ARHGEF12: variants seen among roughly 807,000 people sequenced by gnomAD.
ARHGEF12 encodes Rho guanine nucleotide exchange factor 12.
Under a neutral mutation model 211.2 loss-of-function variants are expected in ARHGEF12, and 66 were observed. The ratio of observed to expected loss-of-function variants is 0.31; its 90% CI spans 0.26 to 0.38. ARHGEF12 has a LOEUF of 0.38. Ranked by LOEUF, ARHGEF12 falls within the 10% of genes least tolerant of loss-of-function variation. The pLI is 1.00. For missense variants in ARHGEF12, 1,429 were observed against 1,869.5 expected (o/e 0.76, Z 4.34); for synonymous variants, 592 against 638.4 (o/e 0.93, Z 1.09).
At position 120,475,515 on chromosome 11, in the gene ARHGEF12, T is replaced by C. The variant is rs774201302; in HGVS notation, c.3277+8T>C. On this transcript the variant is annotated splice_region_variant and intron_variant, in intron 33 of 40. Coordinates refer to ENST00000397843, the MANE Select transcript of ARHGEF12 (RefSeq NM_015313.3). ...TTCGACAAGTGGCAACAGGCAAGTA[T>C]GTCCACTGAAGGATACTAATTTCCA... 6.2e-7 allele frequency: 1 copy of C among 1,613,204 alleles called. No individual in the cohort carries two copies. Among genetic ancestry groups the C allele is most frequent in the Admixed American group, 1.7e-5 (1 of 59,954 alleles).
At chr11:120,357,147 C>T (rs972642158) in intron 1 of ARHGEF12, among the ~76,000 whole-genome samples, 2 of 152,034 alleles carry the variant, frequency 1.3e-5, no homozygotes, top group African/African-American at 2.4e-5. Flanking sequence ...CATGTGCCAC[C>T]GTGCCCTTCT....
chr11:120,472,390 T>C (rs556498118), intron 30 of ARHGEF12, among the ~76,000 whole-genome samples: 11 of 152,140 alleles, frequency 7.2e-5, no homozygotes, highest in African/African-American at 2.4e-4. Context: ...TAGGGAAAAT[T>C]GAGGGGGGTG....
intron 1 of ARHGEF12, among the ~76,000 whole-genome samples, chr11:120,373,285 C>A (rs1039270161): frequency 2.6e-5 from 4 of 152,190 alleles, no homozygotes; most frequent in African/African-American, 9.7e-5. Flanking sequence ...AATGAAATCA[C>A]CCCATAGGTG....
chr11:120,364,873 A>G (rs965321323), intron 1 of ARHGEF12, among the ~76,000 whole-genome samples: 3 of 140,312 alleles, frequency 2.1e-5, no homozygotes, highest in Non-Finnish European at 4.5e-5. Context: ...GCTTGAGTGC[A>G]GTGGGCACAA....
chr11:120,419,192 C>A (rs1037596471), intron 4 of ARHGEF12, among the ~76,000 whole-genome samples: 1 of 152,032 alleles, frequency 6.6e-6, no homozygotes, highest in Non-Finnish European at 1.5e-5. Flanking sequence ...GATCTCCTGA[C>A]CTCATGATCC....
At chr11:120,375,550 C>G (rs1565437761) in intron 1 of ARHGEF12, among the ~76,000 whole-genome samples, 3 of 136,836 alleles carry the variant, frequency 2.2e-5, no homozygotes, top group African/African-American at 8.0e-5. Flanking sequence ...ATGGGGTGGC[C>G]TTTTTTTTTT....
chr11:120,465,354 T>A lies in ARHGEF12; in HGVS notation c.2731T>A (p.Phe911Ile). The A allele has an allele frequency of 1.2e-6, 2 of 1,614,182 alleles. No individual in the cohort carries two copies. Among genetic ancestry groups the A allele is most frequent in the Non-Finnish European group, 1.7e-6 (2 of 1,180,032 alleles). Residue 911 changes from phenylalanine (F) to isoleucine (I), a missense_variant, in exon 28 of 41, where the codon TTT becomes ATT. Transcript: ENST00000397843. ...GAAAAAGGATTCTCGATTTCAGACT[T>A]TTGTGCAAGTGAGTTGAGTGAGTCA... is the stretch of plus-strand genomic sequence containing the variant. ...RQKKDSRFQT[F>I]VQDAESNPLC...
intron 23 of ARHGEF12, 185 bp from the exon 24 acceptor site, chr11:120,457,536 A>G (rs988271364): frequency 1.7e-5 from 8 of 459,208 alleles, no homozygotes; most frequent in Middle Eastern, 5.7e-4. Flanking sequence ...CCATTTCAGA[A>G]CTCATAACTG....
chr11:120,427,946 G>A lies in ARHGEF12; in HGVS notation c.407-123G>A, dbSNP rs144818965. ...GTGGAGACATGATGTAGCAGATGAT[G>A]GGACTGTCTTACATAACTGGATCTT... is the stretch of plus-strand genomic sequence containing the variant. On this transcript the variant is annotated intron_variant, in intron 7 of 40. Coordinates refer to ENST00000397843, the MANE Select transcript of ARHGEF12 (RefSeq NM_015313.3). 5.7e-4 allele frequency: 410 copies of A among 723,410 alleles called. 3 individuals are homozygous for A. In the African/African-American group the frequency reaches 6.7e-3, roughly 12 times the overall value. The allele number at this position is 723,410 out of a possible 1,614,324, so 44.8% of individuals were successfully genotyped here.
chr11:120,347,136 C>T (rs866762732), intron 1 of ARHGEF12, among the ~76,000 whole-genome samples: 9 of 69,250 alleles, frequency 1.3e-4, no homozygotes, highest in South Asian at 6.0e-4. Context: ...TCTTTCTTTC[C>T]TTCCTTCCTT....
intron 39 of ARHGEF12, among the ~76,000 whole-genome samples, chr11:120,484,034 C>T (rs927482061): frequency 2.6e-5 from 4 of 152,190 alleles, no homozygotes; most frequent in South Asian, 4.1e-4. Flanking sequence ...GGATTACAGG[C>T]GTGAGCCACC....
chr11:120,440,507 C>G lies in ARHGEF12; in HGVS notation c.1092+286C>G, dbSNP rs137883337. ...TATTTTTAAAAAAAATTTCAAATCCCAGTTCATTGGTGCTATAAAGGAATA... is the reference window on the plus strand; with the variant it reads ...TATTTTTAAAAAAAATTTCAAATCCGAGTTCATTGGTGCTATAAAGGAATA... On this transcript the variant is annotated intron_variant, in intron 13 of 40. Coordinates refer to ENST00000397843, the MANE Select transcript of ARHGEF12 (RefSeq NM_015313.3). Among the ~76,000 whole-genome samples the G allele has an allele frequency of 9.2e-4, 140 of 152,140 alleles. 1 individual carries two copies. Among genetic ancestry groups the G allele is most frequent in the African/African-American group, 3.3e-3 (135 of 41,522 alleles).
chr11:120,459,641 A>G (rs993681439), intron 26 of ARHGEF12, among the ~76,000 whole-genome samples: 1 of 152,134 alleles, frequency 6.6e-6, no homozygotes, highest in Non-Finnish European at 1.5e-5. Flanking sequence ...ATATAATAAT[A>G]TACGTATAAA....
intron 1 of ARHGEF12, among the ~76,000 whole-genome samples, chr11:120,340,821 T>C (rs776664148): frequency 1.3e-5 from 2 of 152,224 alleles, no homozygotes; most frequent in African/African-American, 2.4e-5. Context: ...CATAAAGGTA[T>C]GCAATAGTAC....
chr11:120,362,957 G>C (rs945210227), intron 1 of ARHGEF12, among the ~76,000 whole-genome samples: 1 of 152,070 alleles, frequency 6.6e-6, no homozygotes, highest in Non-Finnish European at 1.5e-5. Flanking sequence ...AAAATTAGCC[G>C]GGCGTGGTGG....
Position 120,460,718 on chromosome 11 carries a change from C to T in ARHGEF12, c.2574C>T (p.Thr858=). ...AGGCTGTTCGAAAGAGAAATGAGAC[C>T]TCTGTTATCGATCAGATTGGGGAAG... is the stretch of plus-strand genomic sequence containing the variant. ...QMKAVRKRNE[T]SVIDQIGEDL... The change falls in exon 27 of 41, where the codon ACC becomes ACT. Residue 858 remains threonine, a synonymous_variant. Coordinates refer to ENST00000397843, the MANE Select transcript of ARHGEF12 (RefSeq NM_015313.3). 3 of 1,613,850 alleles carry T rather than the reference C, an allele frequency of 1.9e-6. No individual in the cohort carries two copies. The highest frequency in any genetic ancestry group is 1.1e-5 in the South Asian group (1 of 91,034).
intron 1 of ARHGEF12, among the ~76,000 whole-genome samples, chr11:120,340,337 G>A (rs1237071371): frequency 6.6e-6 from 1 of 152,178 alleles, no homozygotes; most frequent in Non-Finnish European, 1.5e-5. Context: ...GGACAGTACA[G>A]GTAGGAAAGT....
chr11:120,431,708 G>A (rs950860299), intron 10 of ARHGEF12, 63 bp from the exon 11 acceptor site: 16 of 1,455,298 alleles, frequency 1.1e-5, no homozygotes, highest in South Asian at 1.6e-5. Flanking sequence ...TCTTTATGCA[G>A]CAAGTAATGA....
rs767889107 is a variant in ARHGEF12, at chr11:120,421,842, G to A, written c.338G>A (p.Arg113Gln). 2 of 1,610,818 alleles carry A rather than the reference G, an allele frequency of 1.2e-6. No individual in the cohort carries two copies. Among genetic ancestry groups the A allele is most frequent in the Non-Finnish European group, 1.7e-6 (2 of 1,178,400 alleles). ...AMRAGVQTGD[R>Q]IIKVNGTLVT... Reference sequence around the variant, plus strand: ...CGGGCTGGAGTACAGACAGGTGATCGAATCATCAAGGTAAGGAATAGGCTA... The same window carrying A: ...CGGGCTGGAGTACAGACAGGTGATCAAATCATCAAGGTAAGGAATAGGCTA... The change falls in exon 6 of 41, where the codon CGA (arginine) becomes CAA (glutamine). Residue 113 changes from arginine (R) to glutamine (Q), a missense_variant. Transcript: ENST00000397843.
Sources: gnomAD v4.1 joint callset for allele counts (sites outside exome capture counted in the v4.1 genomes callset) on GRCh38, gnomAD v4.1.1 for gene constraint, MANE v1.5 for transcripts, NCBI Gene and HGNC (gene_info 2026-07-23, HGNC 2026-07-21) for gene names.